WAC: variants seen among roughly 807,000 people sequenced by gnomAD.
WAC encodes WW domain containing adaptor with coiled-coil, also known as WW domain-containing adapter protein with coiled-coil.
Under a neutral mutation model 79.6 loss-of-function variants are expected in WAC, and 11 were observed. The ratio of observed to expected loss-of-function variants is 0.14; its 90% CI spans 0.09 to 0.23. The LOEUF (loss-of-function observed/expected upper bound fraction) is 0.23. Among genes scored for constraint, WAC ranks in the 10% least tolerant of loss-of-function variants. The pLI, the probability that WAC is intolerant of heterozygous loss-of-function variation, is 1.00. For synonymous variants in WAC, 304 were observed against 276.9 expected (o/e 1.10, Z -0.97); for missense variants, 728 against 773.5 (o/e 0.94, Z 0.70).
intron 3 of WAC, among the ~76,000 whole-genome samples, chr10:28,550,367 CCTT>C (rs1232072009): frequency 6.6e-6 from 1 of 151,448 alleles, no homozygotes; most frequent in Non-Finnish European, 1.5e-5. Context: ...TCCTACCTCA[CCTT>C]TTTTTTTTTT....
chr10:28,535,875 T>G, intron 3 of WAC, 118 bp downstream of exon 3: 1 of 881,946 alleles, frequency 1.1e-6, no homozygotes, highest in Admixed American at 3.4e-5. Flanking sequence ...ATTAAAATAT[T>G]TTAATCCTAT....
intron 7 of WAC, among the ~76,000 whole-genome samples, chr10:28,603,827 G>A (rs1249696424): frequency 6.7e-6 from 1 of 150,296 alleles, no homozygotes; most frequent in Non-Finnish European, 1.5e-5. Flanking sequence ...CCAGCTACTC[G>A]GGAGGCTGAG....
chr10:28,566,698 A>G (rs1335066934), intron 3 of WAC, among the ~76,000 whole-genome samples: 2 of 152,164 alleles, frequency 1.3e-5, no homozygotes, highest in Non-Finnish European at 2.9e-5. Context: ...GTCTTCTGGC[A>G]TTTAGTGTTA....
At chr10:28,563,654 A>G (rs1270897256) in intron 3 of WAC, among the ~76,000 whole-genome samples, 1 of 149,034 alleles carries the variant, frequency 6.7e-6, no homozygotes, top group African/African-American at 2.5e-5. Context: ...ATCTCCGCTC[A>G]CTGCAGCCTC....
In WAC at chr10:28,617,597, GTTTTA is replaced by G. The variant is rs1841527146; in HGVS notation, c.1747-55_1747-51del. 3.5e-6 allele frequency: 5 copies of G among 1,422,360 alleles called. No individual in the cohort carries two copies. In the East Asian group the frequency reaches 8.1e-5, roughly 23 times the overall value. 88.1% of individuals were successfully genotyped at this position (1,422,360 alleles called of 1,614,324 possible). A position where few individuals can be genotyped will look rare whatever the true frequency, so the allele number is the denominator to read the frequency against. ...ATAAAATTGTACTCAGAAATTTAAT[GTTTTA>G]TTTTGTGTATGTTAATGTTTATATT... On this transcript the variant is annotated intron_variant, in intron 12 of 13. Transcript: ENST00000354911.
At chr10:28,597,948 G>T (rs1161999019) in intron 7 of WAC, among the ~76,000 whole-genome samples, 1 of 152,118 alleles carries the variant, frequency 6.6e-6, no homozygotes, top group Non-Finnish European at 1.5e-5. Context: ...CTCTCCGTTT[G>T]TTAATTTGTA....
At chr10:28,536,018 G>C (rs1171590422) in intron 3 of WAC, 2 of 221,442 alleles carry the variant, frequency 9.0e-6, no homozygotes, top group East Asian at 2.0e-4. Context: ...GAGGCGGGCA[G>C]ATCACCTGAG....
chr10:28,590,903 A>G, intron 6 of WAC, 71 bp downstream of exon 6: 1 of 1,124,366 alleles, frequency 8.9e-7, no homozygotes, highest in South Asian at 1.4e-5. Flanking sequence ...ATCTGTATCC[A>G]TTGCCATCTA....
intron 3 of WAC, among the ~76,000 whole-genome samples, chr10:28,557,065 G>GTTT (rs56371219): frequency 6.2e-5 from 9 of 145,704 alleles, no homozygotes; most frequent in Non-Finnish European, 7.6e-5. Context: ...AATTTTGGGA[G>GTTT]TTTTTTTTTT....
intron 8 of WAC, 23 bp from the exon 9 acceptor site, chr10:28,610,676 T>A: frequency 6.3e-7 from 1 of 1,593,096 alleles, no homozygotes; most frequent in Non-Finnish European, 8.5e-7. Context: ...TTTATATGAA[T>A]GTATGAAATA....
intron 3 of WAC, among the ~76,000 whole-genome samples, chr10:28,577,443 T>C (rs901823398): frequency 2.0e-5 from 3 of 152,212 alleles, no homozygotes; most frequent in African/African-American, 7.2e-5. Flanking sequence ...TGAACGGCTT[T>C]GTTCTATTTT....
At chr10:28,541,415 G>GTGTGTTT (rs1212601285) in intron 3 of WAC, among the ~76,000 whole-genome samples, 35 of 37,904 alleles carry the variant, frequency 9.2e-4, no homozygotes, top group Non-Finnish European at 1.3e-3. Context: ...GTGTGTGTGT[G>GTGTGTTT]TTTTGTTTTT....
chr10:28,535,816 AGGC>A, intron 3 of WAC, 59 bp downstream of exon 3: 1 of 1,380,656 alleles, frequency 7.2e-7, no homozygotes, highest in East Asian at 2.4e-5. Context: ...TCTATATAAA[AGGC>A]GGCAGTAGTA....
chr10:28,582,936 G>A (rs141614168), intron 3 of WAC, among the ~76,000 whole-genome samples: 2 of 152,068 alleles, frequency 1.3e-5, no homozygotes, highest in African/African-American at 4.8e-5. Flanking sequence ...TTGAAAAATC[G>A]TCAAGACTAT....
At chr10:28,588,536 T>G (rs1234090905) in intron 4 of WAC, among the ~76,000 whole-genome samples, 1 of 152,216 alleles carries the variant, frequency 6.6e-6, no homozygotes, top group Non-Finnish European at 1.5e-5. Flanking sequence ...TTGTGACCTA[T>G]AGACAACTCA....
In WAC at chr10:28,590,702, CT is replaced by C. The variant is rs200420703; in HGVS notation, c.498-9del. 7.9e-4 allele frequency: 1,216 copies of C among 1,536,110 alleles called. 6 individuals carry two copies. In the South Asian group the frequency reaches 0.012, roughly 15 times the overall value. ...CTTAATGTAATTTTTATATGTTTAT[CT>C]TTTTTTTTATTTTTAGAGAACAGAG... On this transcript the variant is annotated splice_polypyrimidine_tract_variant and intron_variant, in intron 5 of 13. Transcript: ENST00000354911.
chr10:28,533,795 G>C (rs2132292845), intron 1 of WAC, 175 bp downstream of exon 1: 1 of 993,300 alleles, frequency 1.0e-6, no homozygotes, highest in South Asian at 1.6e-5. Context: ...GTGTGGCGGG[G>C]AGCGGGGGCC....
At chr10:28,590,398 A>G (rs1282090450) in intron 5 of WAC, among the ~76,000 whole-genome samples, 1 of 151,972 alleles carries the variant, frequency 6.6e-6, no homozygotes, top group Admixed American at 6.6e-5. Flanking sequence ...TTAATAAAAT[A>G]CCTACATTTA....
chr10:28,597,917 T>G (rs905178417), intron 7 of WAC, among the ~76,000 whole-genome samples: 7 of 152,184 alleles, frequency 4.6e-5, no homozygotes, highest in African/African-American at 7.2e-5. Flanking sequence ...GAGATTTCAC[T>G]TACTGAAATT....
Sources: allele counts gnomAD v4.1 joint callset (sites outside exome capture counted in the v4.1 genomes callset), GRCh38; gene constraint gnomAD v4.1.1; transcripts MANE v1.5; gene names NCBI Gene and HGNC (gene_info 2026-07-23, HGNC 2026-07-21).